Variants in CSMD1 observed in about 807,000 individuals in gnomAD.
CSMD1 encodes CUB and sushi domain-containing protein 1.
A neutral mutation model predicts 417.5 loss-of-function variants in CSMD1; 213 were observed. The ratio of observed to expected loss-of-function variants is 0.51; its 90% CI spans 0.46 to 0.57. The LOEUF (loss-of-function observed/expected upper bound fraction) is 0.57. CSMD1 is among the 20% of genes least tolerant of loss of function. The pLI is 0.00. For missense variants in CSMD1, 6,923 were observed against 4,529.7 expected, an observed-to-expected ratio of 1.53 and a Z score of -15.17; for synonymous variants, 2,862 against 1,736.8, an observed-to-expected ratio of 1.65 and a Z score of -16.11.
At chr8:4,753,506 G>A (rs536878564) in intron 1 of CSMD1, among the ~76,000 whole-genome samples, 10 of 150,064 alleles carry the variant, frequency 6.7e-5, no homozygotes, top group South Asian at 2.1e-4. Flanking sequence ...TTTTCATTTC[G>A]TACAAGCCCA....
chr8:4,350,198 T>C (rs980727180), intron 3 of CSMD1, among the ~76,000 whole-genome samples: 13 of 152,144 alleles, frequency 8.5e-5, no homozygotes, highest in African/African-American at 2.7e-4. Flanking sequence ...TGCTGTACAA[T>C]TGCAAGGCTC....
chr8:3,252,438 T>C (rs1800340436), intron 26 of CSMD1, among the ~76,000 whole-genome samples: 1 of 152,212 alleles, frequency 6.6e-6, no homozygotes, highest in African/African-American at 2.4e-5. Flanking sequence ...GATAAGCTTT[T>C]TGATATATTG....
intron 3 of CSMD1, among the ~76,000 whole-genome samples, chr8:4,225,933 G>C (rs1801321013): frequency 6.6e-6 from 1 of 152,072 alleles, no homozygotes; most frequent in Non-Finnish European, 1.5e-5. Context: ...TTATTTGGTA[G>C]AATTTATTTG....
chr8:3,413,361 G>C (rs889951925), intron 12 of CSMD1, among the ~76,000 whole-genome samples: 11 of 152,252 alleles, frequency 7.2e-5, no homozygotes, highest in African/African-American at 2.2e-4. Flanking sequence ...TCCATGCTGA[G>C]GATCAAGAGA....
intron 3 of CSMD1, among the ~76,000 whole-genome samples, chr8:4,369,371 G>C (rs536969914): frequency 1.8e-4 from 27 of 152,040 alleles, no homozygotes; most frequent in Non-Finnish European, 3.4e-4. Flanking sequence ...GCATGTGGTT[G>C]ATCTTAGACT....
chr8:3,975,369 C>A (rs1813362124), intron 5 of CSMD1, among the ~76,000 whole-genome samples: 1 of 152,018 alleles, frequency 6.6e-6, no homozygotes, highest in African/African-American at 2.4e-5. Context: ...TGTTATGTTT[C>A]TTTTTATGAT....
intron 1 of CSMD1, among the ~76,000 whole-genome samples, chr8:4,968,965 G>T (rs181010648): frequency 6.6e-6 from 1 of 152,222 alleles, no homozygotes; most frequent in African/African-American, 2.4e-5. Flanking sequence ...GAATGTTCAA[G>T]CCCCTGTGCT....
intron 5 of CSMD1, among the ~76,000 whole-genome samples, chr8:3,973,759 C>T (rs73658515): frequency 0.016 from 2,370 of 152,250 alleles, 60 homozygotes; most frequent in African/African-American, 0.054. Flanking sequence ...TGCAAACCAA[C>T]CAGTGTTTCA....
At chr8:4,752,254 C>A (rs1335186547) in intron 1 of CSMD1, among the ~76,000 whole-genome samples, 1 of 152,128 alleles carries the variant, frequency 6.6e-6, no homozygotes, top group Non-Finnish European at 1.5e-5. Flanking sequence ...TAACTGTGTA[C>A]TTGTCTTGAC....
At chr8:3,663,497 C>T (rs1798525985) in intron 7 of CSMD1, among the ~76,000 whole-genome samples, 1 of 152,060 alleles carries the variant, frequency 6.6e-6, no homozygotes, top group African/African-American at 2.4e-5. Context: ...AACCTCAGGG[C>T]CCCAAAATCA....
At chr8:3,752,103 C>T (rs527768836) in intron 6 of CSMD1, among the ~76,000 whole-genome samples, 13 of 152,200 alleles carry the variant, frequency 8.5e-5, no homozygotes, top group Admixed American at 2.0e-4. Context: ...CACCTCCCAC[C>T]GCCAACACGT....
chr8:3,720,642 C>G (rs1179879171), intron 6 of CSMD1, among the ~76,000 whole-genome samples: 1 of 151,892 alleles, frequency 6.6e-6, no homozygotes, highest in East Asian at 1.9e-4. Flanking sequence ...CACACACACA[C>G]ACACACACAC....
intron 2 of CSMD1, among the ~76,000 whole-genome samples, chr8:4,500,857 G>A (rs956295151): frequency 1.3e-5 from 2 of 152,094 alleles, no homozygotes; most frequent in Non-Finnish European, 2.9e-5. Flanking sequence ...CTATTTATCT[G>A]TCTCTGGCGT....
At chr8:3,557,972 A>C (rs916281969) in intron 10 of CSMD1, among the ~76,000 whole-genome samples, 1 of 152,160 alleles carries the variant, frequency 6.6e-6, no homozygotes, top group Non-Finnish European at 1.5e-5. Flanking sequence ...TACTACTCCA[A>C]TGATGAATGG....
intron 2 of CSMD1, among the ~76,000 whole-genome samples, chr8:4,444,532 C>T (rs1319319462): frequency 6.6e-6 from 1 of 151,782 alleles, no homozygotes; most frequent in Non-Finnish European, 1.5e-5. Context: ...CCACGGAGAA[C>T]AATAATGTCC....
intron 3 of CSMD1, among the ~76,000 whole-genome samples, chr8:4,314,630 A>G (rs957385086): frequency 1.3e-5 from 2 of 150,424 alleles, no homozygotes; most frequent in African/African-American, 4.9e-5. Flanking sequence ...CACACACAAA[A>G]GCAATGTAAT....
intron 7 of CSMD1, among the ~76,000 whole-genome samples, chr8:3,647,493 C>T (rs1246626900): frequency 1.3e-5 from 2 of 151,798 alleles, no homozygotes; most frequent in African/African-American, 4.8e-5. Flanking sequence ...AAATATAGCA[C>T]AGAGAGAAGT....
intron 5 of CSMD1, among the ~76,000 whole-genome samples, chr8:3,790,975 T>C (rs1014428087): frequency 1.3e-5 from 2 of 152,176 alleles, no homozygotes; most frequent in Non-Finnish European, 2.9e-5. Flanking sequence ...GTCAAAAATA[T>C]TCTTCAATTA....
intron 37 of CSMD1, among the ~76,000 whole-genome samples, chr8:3,173,616 A>G (rs1333400109): frequency 2.6e-5 from 4 of 152,342 alleles, no homozygotes; most frequent in African/African-American, 9.6e-5. Context: ...TTATTACACT[A>G]TTGGATGAAT....
Sources: allele counts gnomAD v4.1 joint callset (sites outside exome capture counted in the v4.1 genomes callset), GRCh38; gene constraint gnomAD v4.1.1; transcripts MANE v1.5; gene names NCBI Gene and HGNC (gene_info 2026-07-23, HGNC 2026-07-21).